MYH7B: variants seen among roughly 807,000 people sequenced by gnomAD.
The protein encoded by MYH7B is myosin-7B.
A neutral mutation model predicts 234.5 loss-of-function variants in MYH7B; 205 were observed. The ratio of observed to expected loss-of-function variants is 0.87; its 90% CI spans 0.78 to 0.98. The LOEUF is 0.98. Among genes scored for constraint, MYH7B ranks in the 50% least tolerant of loss-of-function variants. The pLI, the probability that MYH7B is intolerant of heterozygous loss-of-function variation, is 0.00. For missense variants in MYH7B, 2,652 were observed against 2,633.4 expected (o/e 1.01, Z -0.15); for synonymous variants, 1,193 against 1,105.0 (o/e 1.08, Z -1.58).
chr20:34,999,691 C>A lies in MYH7B; in HGVS notation c.4661C>A (p.Ala1554Glu), dbSNP rs747284195. The A allele has an allele frequency of 6.2e-6, 10 of 1,612,442 alleles. No homozygotes were observed. In the Admixed American group the frequency reaches 1.5e-4, roughly 24 times the overall value. Residue 1554 changes from alanine (A) to glutamate (E), a missense_variant, in exon 37 of 45, where the codon GCA becomes GAA. This residue lies in a region of MYH7B where 2,279 missense variants were observed against 2,211.4 expected (regional missense o/e 1.03). Transcript: ENST00000262873. ...GAGATCCAGGCTGCACTGGAGGAGG[C>A]AGAGGTCAGGGGCTGGCTGCAGGGG...
rs114680967 is a variant in MYH7B, at chr20:34,979,907, G to C, written c.342+103G>C. On this transcript the variant is annotated intron_variant, in intron 7 of 44. Coordinates refer to ENST00000262873, the Ensembl canonical transcript of MYH7B. The stretch of plus-strand genomic sequence containing the variant: ...GCCCATAGCGGTGGGGCGGGGCTGT[G>C]AGCGGTGGATCGGGGCTGTGAATGA... 10,741 of 1,329,632 alleles carry C rather than the reference G, an allele frequency of 8.1e-3. 672 individuals are homozygous for C. In the African/African-American group the frequency reaches 0.14, roughly 17 times the overall value. 82.4% of individuals were successfully genotyped at this position (1,329,632 alleles called of 1,614,324 possible).
At chr20:34,989,502 G>T (rs1321164774) in intron 19 of MYH7B, among the ~76,000 whole-genome samples, 3 of 152,202 alleles carry the variant, frequency 2.0e-5, no homozygotes, top group African/African-American at 4.8e-5. Flanking sequence ...TGTTAGAAGT[G>T]AAGATGACAC....
intron 38 of MYH7B, among the ~76,000 whole-genome samples, 173 bp downstream of exon 38, chr20:35,000,079 G>C (rs561435169): frequency 3.9e-5 from 6 of 152,228 alleles, no homozygotes; most frequent in African/African-American, 9.6e-5. Flanking sequence ...TCACACAGTG[G>C]GGGTGGAGCC....
chr20:34,993,599 T>C (rs1600458346), intron 26 of MYH7B, 129 bp downstream of exon 26: 2 of 1,089,086 alleles, frequency 1.8e-6, no homozygotes, highest in Non-Finnish European at 2.5e-6. Context: ...TGGGGCAAGG[T>C]TCTGTTCTGT....
chr20:34,990,557 T>A, intron 22 of MYH7B, 181 bp from the exon 23 acceptor site: 1 of 794,508 alleles, frequency 1.3e-6, no homozygotes, highest in Non-Finnish European at 2.2e-6. Context: ...GGCAGGGAAG[T>A]GAAGACTTTG....
intron 2 of MYH7B, among the ~76,000 whole-genome samples, chr20:34,970,504 G>T (rs1555891090): frequency 6.6e-6 from 1 of 152,134 alleles, no homozygotes. Context: ...TCATCAGGTG[G>T]CCCTGGTGAG....
At chr20:34,989,423 TTG>T (rs967516176) in intron 19 of MYH7B, among the ~76,000 whole-genome samples, 11 of 152,060 alleles carry the variant, frequency 7.2e-5, no homozygotes, top group Admixed American at 6.5e-4. Context: ...TACCCCATGT[TTG>T]TGTGTGACAG....
intron 20 of MYH7B, 31 bp downstream of exon 20, chr20:34,989,950 C>G: frequency 6.2e-7 from 1 of 1,612,710 alleles, no homozygotes; most frequent in South Asian, 1.1e-5. Context: ...CAGCCCTCGG[C>G]CAGGCTCCTC....
At chr20:35,000,959 G>C in intron 40 of MYH7B, 29 bp from the exon 41 acceptor site, 1 of 1,612,944 alleles carries the variant, frequency 6.2e-7, no homozygotes. Context: ...CTGAGGCTGG[G>C]CACCTGACCA....
At chr20:35,001,245 G>A (rs1295481078) in exon 42 of MYH7B, 2 of 1,610,012 alleles carry the variant, frequency 1.2e-6, no homozygotes, top group Non-Finnish European at 1.7e-6. Flanking sequence ...CTGCCTGCAG[G>A]TACGGGAGCT....
At chr20:34,984,092 C>G (rs898137893) in intron 10 of MYH7B, among the ~76,000 whole-genome samples, 1 of 152,208 alleles carries the variant, frequency 6.6e-6, no homozygotes, top group Non-Finnish European at 1.5e-5. Context: ...TGGCCTTGAG[C>G]AGATCCACTC....
chr20:34,977,148 C>G (rs1334708037), intron 3 of MYH7B, among the ~76,000 whole-genome samples: 1 of 148,026 alleles, frequency 6.8e-6, no homozygotes, highest in Non-Finnish European at 1.5e-5. Flanking sequence ...TTCTCCTTCT[C>G]TCTCCTTCTC....
chr20:34,975,100 G>A (rs1455196830), intron 2 of MYH7B, among the ~76,000 whole-genome samples: 16 of 151,786 alleles, frequency 1.1e-4, no homozygotes, highest in Admixed American at 1.0e-3. Flanking sequence ...AGCAAGAGTC[G>A]GTATAAAAAA....
intron 39 of MYH7B, 38 bp from the exon 40 acceptor site, chr20:35,000,730 T>TGCTG (rs576644353): frequency 1.3e-5 from 21 of 1,606,478 alleles, no homozygotes; most frequent in Admixed American, 3.4e-5. Context: ...GGTGCAGGCC[T>TGCTG]GCTGGCTGGC....
intron 10 of MYH7B, 136 bp downstream of exon 10, chr20:34,982,691 CCTGGTGGGGGACT>C: frequency 1.3e-6 from 1 of 747,756 alleles, no homozygotes; most frequent in Non-Finnish European, 2.1e-6. Context: ...AGCCTCCCAC[CCTGGTGGGGGACT>C]CTGGCCTGAG....
intron 19 of MYH7B, among the ~76,000 whole-genome samples, chr20:34,988,938 T>C (rs2082087701): frequency 6.6e-6 from 1 of 151,714 alleles, no homozygotes; most frequent in South Asian, 2.1e-4. Flanking sequence ...ACCTCCCAAG[T>C]AGCTGGGATT....
At chr20:34,980,156 T>A in intron 7 of MYH7B, 1 of 373,630 alleles carries the variant, frequency 2.7e-6, no homozygotes, top group Non-Finnish European at 5.0e-6. Flanking sequence ...GAGGGTGTGG[T>A]GTGGCAAGTC....
chr20:34,987,964 A>G lies in MYH7B; in HGVS notation c.1416+50A>G, dbSNP rs1294440851. On this transcript the variant is annotated intron_variant, in intron 18 of 44. Transcript: ENST00000262873. Reference sequence around the variant, plus strand: ...CTCTGTTCTCTCCAAGGTAGAGGACATGGGCCTGTGGGGGGGCAGAAGCCC... The same window carrying G: ...CTCTGTTCTCTCCAAGGTAGAGGACGTGGGCCTGTGGGGGGGCAGAAGCCC... 4 of 1,560,230 alleles carry G rather than the reference A, an allele frequency of 2.6e-6. No homozygotes were observed. In the Admixed American group the frequency reaches 5.5e-5, roughly 21 times the overall value.
rs1290913938 is a variant in MYH7B at position 34,985,770 on chromosome 20, CACAG to C, written c.806-326_806-323del. ...ACACCCTGACCCCTACACAGACACA[CACAG>C]ACACACACGGAGGCTCGGCCACACA... On this transcript the variant is annotated intron_variant, in intron 13 of 44. Transcript: ENST00000262873. 2.0e-5 allele frequency among the ~76,000 whole-genome samples: 3 copies of C among 152,276 alleles called. No homozygotes were observed. The East Asian group carries it at 5.8e-4, about 29-fold the overall frequency.
Sources: gnomAD v4.1 joint callset for allele counts (sites outside exome capture counted in the v4.1 genomes callset) on GRCh38, gnomAD v4.1.1 for gene constraint, gnomAD v4.1.1 regional missense constraint, MANE v1.5 for transcripts, NCBI Gene and HGNC (gene_info 2026-07-23, HGNC 2026-07-21) for gene names.